Variants in CSMD1 observed in about 807,000 individuals in gnomAD.
CSMD1 encodes the protein CUB and Sushi multiple domains 1, also known as CUB and sushi domain-containing protein 1.
Under a neutral mutation model 417.5 loss-of-function variants are expected in CSMD1, and 213 were observed. The ratio of observed to expected loss-of-function variants is 0.51; its 90% CI spans 0.46 to 0.57. The LOEUF (loss-of-function observed/expected upper bound fraction) is 0.57, where lower values mean the gene tolerates loss of function less well. Ranked by LOEUF, CSMD1 falls within the 20% of genes least tolerant of loss-of-function variation. The probability of loss-of-function intolerance (pLI) is 0.00; values close to 1 mark genes in which losing one functional copy is unlikely to be tolerated. For missense variants in CSMD1, 6,923 were observed against 4,529.7 expected, an observed-to-expected ratio of 1.53 and a Z score of -15.17; for synonymous variants, 2,862 against 1,736.8, an observed-to-expected ratio of 1.65 and a Z score of -16.11.
intron 1 of CSMD1, among the ~76,000 whole-genome samples, chr8:4,978,257 G>T (rs970321860): frequency 6.6e-6 from 1 of 152,128 alleles, no homozygotes; most frequent in Non-Finnish European, 1.5e-5. Context: ...TGTTCAAAGG[G>T]GGGACAGGCA....
intron 10 of CSMD1, among the ~76,000 whole-genome samples, chr8:3,524,506 C>T: frequency 7.0e-6 from 1 of 143,706 alleles, no homozygotes; most frequent in Non-Finnish European, 1.5e-5. Context: ...CACACATGCA[C>T]AGATGCACAC....
chr8:4,064,650 G>T (rs764155661), intron 3 of CSMD1, among the ~76,000 whole-genome samples: 1 of 152,140 alleles, frequency 6.6e-6, no homozygotes, highest in Non-Finnish European at 1.5e-5. Flanking sequence ...GGTTTCTATG[G>T]CAGGTACACT....
At chr8:3,979,594 G>A (rs865845791) in intron 5 of CSMD1, among the ~76,000 whole-genome samples, 5 of 152,112 alleles carry the variant, frequency 3.3e-5, no homozygotes, top group Middle Eastern at 3.2e-3. Context: ...ATGAGGATGC[G>A]GCCAACATGA....
intron 1 of CSMD1, among the ~76,000 whole-genome samples, chr8:4,762,250 A>G (rs1221298047): frequency 6.6e-6 from 1 of 152,088 alleles, no homozygotes; most frequent in Non-Finnish European, 1.5e-5. Flanking sequence ...TTTAAAATCT[A>G]AACTAATGGG....
chr8:3,976,076 T>G (rs11136689), intron 5 of CSMD1, among the ~76,000 whole-genome samples: 38,215 of 151,692 alleles, frequency 0.25, 4,937 homozygotes, highest in East Asian at 0.4. Flanking sequence ...TAAATTTTTT[T>G]GGGGGGGTCA....
At chr8:4,033,077 T>C (rs1245466703) in intron 3 of CSMD1, among the ~76,000 whole-genome samples, 1 of 150,028 alleles carries the variant, frequency 6.7e-6, no homozygotes, top group African/African-American at 2.5e-5. Flanking sequence ...TTCCTCTCTA[T>C]TGATTCCATG....
At chr8:4,918,163 T>C (rs545881870) in intron 1 of CSMD1, among the ~76,000 whole-genome samples, 1 of 152,232 alleles carries the variant, frequency 6.6e-6, no homozygotes. Context: ...GAATCCCGTG[T>C]TGGTGTTGGT....
chr8:4,736,030 G>A (rs866800018), intron 1 of CSMD1, among the ~76,000 whole-genome samples: 1 of 152,150 alleles, frequency 6.6e-6, no homozygotes, highest in Non-Finnish European at 1.5e-5. Context: ...GAGACACTCA[G>A]GCTATTATGG....
intron 2 of CSMD1, among the ~76,000 whole-genome samples, chr8:4,447,416 G>C (rs1046671658): frequency 5.3e-5 from 8 of 152,176 alleles, no homozygotes; most frequent in East Asian, 1.9e-4. Context: ...GCCTGAAGTG[G>C]ATGGCATTTG....
At chr8:4,347,245 C>T (rs189616094) in intron 3 of CSMD1, among the ~76,000 whole-genome samples, 4 of 152,182 alleles carry the variant, frequency 2.6e-5, no homozygotes, top group Admixed American at 2.0e-4. Context: ...TAAAATGAAA[C>T]AGACATCCAC....
At chr8:4,648,391 G>A (rs1212029296) in intron 1 of CSMD1, among the ~76,000 whole-genome samples, 1 of 151,952 alleles carries the variant, frequency 6.6e-6, no homozygotes, top group Admixed American at 6.6e-5. Flanking sequence ...TCACCAAGTG[G>A]CCCCTAATGG....
chr8:3,672,020 GGTTTT>G (rs1799096654), intron 7 of CSMD1, among the ~76,000 whole-genome samples: 2 of 152,098 alleles, frequency 1.3e-5, no homozygotes. Context: ...AAAGACAGTA[GGTTTT>G]ATTTAAATGA....
chr8:4,322,865 G>A (rs1183408945), intron 3 of CSMD1, among the ~76,000 whole-genome samples: 1 of 152,120 alleles, frequency 6.6e-6, no homozygotes, highest in Non-Finnish European at 1.5e-5. Context: ...GGCTTTTGTA[G>A]TCCCAGCTAC....
At chr8:3,396,458 C>G (rs1811708897) in intron 16 of CSMD1, 77 bp from the exon 17 acceptor site, 7 of 1,052,150 alleles carry the variant, frequency 6.7e-6, no homozygotes, top group Non-Finnish European at 9.5e-6. Context: ...ATCCTCATTC[C>G]TTAATCAGAA....
At chr8:4,923,113 A>T (rs1353786049) in intron 1 of CSMD1, among the ~76,000 whole-genome samples, 6 of 152,222 alleles carry the variant, frequency 3.9e-5, no homozygotes, top group African/African-American at 1.4e-4. Context: ...TATCAATTAT[A>T]CTAGCATGGA....
intron 6 of CSMD1, among the ~76,000 whole-genome samples, chr8:3,725,254 G>A (rs527419513): frequency 6.6e-6 from 1 of 152,270 alleles, no homozygotes; most frequent in South Asian, 2.1e-4. Flanking sequence ...TGTGGGTTGA[G>A]AGGTAACCAA....
At chr8:4,069,603 G>GT (rs761339114) in intron 3 of CSMD1, among the ~76,000 whole-genome samples, 8 of 152,142 alleles carry the variant, frequency 5.3e-5, no homozygotes, top group Non-Finnish European at 7.3e-5. Context: ...TGGCCACAGC[G>GT]TAATACCATC....
chr8:4,184,206 T>G (rs973744768), intron 3 of CSMD1, among the ~76,000 whole-genome samples: 3 of 152,190 alleles, frequency 2.0e-5, no homozygotes, highest in Admixed American at 2.0e-4. Context: ...AGTCTGAGCC[T>G]AAGAGTATAA....
At chr8:3,029,272 T>C in intron 51 of CSMD1, 47 bp downstream of exon 51, 3 of 1,503,080 alleles carry the variant, frequency 2.0e-6, no homozygotes, top group Non-Finnish European at 2.7e-6. Context: ...CCATCTAGAA[T>C]AATCTAGGAT....
Sources: gnomAD v4.1 joint callset for allele counts (sites outside exome capture counted in the v4.1 genomes callset) on GRCh38, gnomAD v4.1.1 for gene constraint, MANE v1.5 for transcripts, NCBI Gene and HGNC (gene_info 2026-07-23, HGNC 2026-07-21) for gene names.